The following ITGA9 variants were observed in gnomAD, a reference collection of about 807,000 sequenced individuals.
ITGA9 encodes the protein integrin alpha-9.
ITGA9 carries 56 observed loss-of-function variants against 127.8 expected under a neutral mutation model. That is an observed-to-expected ratio of 0.44 (90% CI 0.35 to 0.55). ITGA9 has a LOEUF of 0.55. Among genes scored for constraint, ITGA9 ranks in the 20% least tolerant of loss-of-function variants. ITGA9 has a pLI of 0.00. For missense variants in ITGA9, 1,196 were observed against 1,347.1 expected, an observed-to-expected ratio of 0.89 and a Z score of 1.76; for synonymous variants, 508 against 514.5, an observed-to-expected ratio of 0.99 and a Z score of 0.17.
intron 2 of ITGA9, among the ~76,000 whole-genome samples, chr3:37,471,825 G>A (rs1698434467): frequency 6.6e-6 from 1 of 152,154 alleles, no homozygotes; most frequent in African/African-American, 2.4e-5. Flanking sequence ...AGGCTGAGGT[G>A]GGCACATTGC....
intron 18 of ITGA9, among the ~76,000 whole-genome samples, chr3:37,697,217 AT>A (rs1486836844): frequency 2.0e-5 from 3 of 152,074 alleles, no homozygotes; most frequent in African/African-American, 7.2e-5. Flanking sequence ...CAGGACAGTC[AT>A]GACCTACACC....
chr3:37,639,638 A>G (rs1462984724), intron 16 of ITGA9, among the ~76,000 whole-genome samples: 1 of 152,042 alleles, frequency 6.6e-6, no homozygotes, highest in East Asian at 1.9e-4. Context: ...ACCATGGCAT[A>G]TTTTGCAGTT....
At chr3:37,704,572 G>T (rs1700983545) in intron 18 of ITGA9, among the ~76,000 whole-genome samples, 1 of 152,168 alleles carries the variant, frequency 6.6e-6, no homozygotes, top group Non-Finnish European at 1.5e-5. Flanking sequence ...GAGTCAGGGG[G>T]CTTGGGCTGT....
At chr3:37,514,489 A>G (rs1698964563) in intron 9 of ITGA9, among the ~76,000 whole-genome samples, 1 of 152,212 alleles carries the variant, frequency 6.6e-6, no homozygotes, top group South Asian at 2.1e-4. Flanking sequence ...AGAGCTGGGC[A>G]AGTGGGTTGG....
At chr3:37,675,292 A>G (rs1247352779) in intron 17 of ITGA9, among the ~76,000 whole-genome samples, 2 of 152,184 alleles carry the variant, frequency 1.3e-5, no homozygotes, top group African/African-American at 4.8e-5. Flanking sequence ...TGTGTTGCAC[A>G]GTTTCCCAGA....
chr3:37,706,410 C>T (rs1342906485), intron 18 of ITGA9, among the ~76,000 whole-genome samples: 2 of 152,094 alleles, frequency 1.3e-5, no homozygotes, highest in Non-Finnish European at 2.9e-5. Flanking sequence ...ACGCCTGAAA[C>T]CATAGATGCA....
chr3:37,541,775 C>G (rs1265627871), intron 14 of ITGA9, among the ~76,000 whole-genome samples: 1 of 152,208 alleles, frequency 6.6e-6, no homozygotes, highest in Non-Finnish European at 1.5e-5. Context: ...ATCTGGGTTC[C>G]TGTGCATGTA....
intron 8 of ITGA9, among the ~76,000 whole-genome samples, chr3:37,512,363 G>C (rs1020174230): frequency 6.6e-6 from 1 of 151,204 alleles, no homozygotes; most frequent in African/African-American, 2.4e-5. Flanking sequence ...GGGATTACAG[G>C]TGCCTGCCAC....
Position 37,452,475 on chromosome 3 carries a change from C to G in ITGA9, c.101C>G (p.Pro34Arg), listed in dbSNP as rs1238331400. ...GIPAGAYNLDPQRPVHFQGPA... is the reference protein window; with the variant it reads ...GIPAGAYNLDRQRPVHFQGPA... The stretch of plus-strand genomic sequence containing the variant: ...CCCGCGGGCGCCTACAACCTCGACC[C>G]GCAGCGCCCCGTGCACTTCCAGGGC... The change falls in exon 1 of 28, where the codon CCG becomes CGG. Residue 34 changes from proline (P) to arginine (R), a missense_variant. Pro to Arg is a moderately radical substitution (Grantham distance 103). Coordinates refer to ENST00000264741, the MANE Select transcript of ITGA9 (RefSeq NM_002207.3). The surrounding 1 kb of genome is among the most constrained non-coding windows in gnomAD (Gnocchi z 7.3). 1 of 1,507,262 alleles carries G rather than the reference C, an allele frequency of 6.6e-7. No homozygotes were observed. Among genetic ancestry groups the G allele is most frequent in the Non-Finnish European group, 8.9e-7 (1 of 1,127,246 alleles). The allele number at this position is 1,507,262 out of a possible 1,614,324, so 93.4% of individuals were successfully genotyped here. A position where few individuals can be genotyped will look rare whatever the true frequency, so the allele number is the denominator to read the frequency against.
At chr3:37,551,940 A>G (rs996015530) in intron 15 of ITGA9, among the ~76,000 whole-genome samples, 1 of 152,246 alleles carries the variant, frequency 6.6e-6, no homozygotes, top group African/African-American at 2.4e-5. Context: ...GTGAAGGCAT[A>G]AGACCATGGG....
At chr3:37,536,655 C>G (rs2125588451) in intron 14 of ITGA9, among the ~76,000 whole-genome samples, 1 of 152,348 alleles carries the variant, frequency 6.6e-6, no homozygotes, top group South Asian at 2.1e-4. Flanking sequence ...ACAGTGCCTA[C>G]TTGGTCATGG....
intron 15 of ITGA9, chr3:37,585,763 G>A: frequency 3.0e-6 from 1 of 338,634 alleles, no homozygotes; most frequent in Admixed American, 3.0e-5. Flanking sequence ...CCATAGAGCA[G>A]TGTATTTGGT....
intron 1 of ITGA9, among the ~76,000 whole-genome samples, chr3:37,457,453 C>T (rs1412259175): frequency 6.6e-6 from 1 of 152,150 alleles, no homozygotes; most frequent in African/African-American, 2.4e-5. Flanking sequence ...TGCCCCTGGC[C>T]CTGCCCGTCT....
chr3:37,654,134 A>G (rs1700454279), intron 17 of ITGA9, among the ~76,000 whole-genome samples: 1 of 151,764 alleles, frequency 6.6e-6, no homozygotes, highest in Non-Finnish European at 1.5e-5. Context: ...ACTTTTGGAC[A>G]ATTTCATATG....
At chr3:37,735,929 G>C (rs1002303960) in intron 19 of ITGA9, among the ~76,000 whole-genome samples, 9 of 152,200 alleles carry the variant, frequency 5.9e-5, no homozygotes, top group African/African-American at 2.2e-4. Flanking sequence ...TTAAACAACA[G>C]ACATGTATTT....
chr3:37,460,693 C>T (rs969882674), intron 1 of ITGA9, among the ~76,000 whole-genome samples: 1 of 151,302 alleles, frequency 6.6e-6, no homozygotes, highest in East Asian at 1.9e-4. Context: ...GGGTTCACGC[C>T]ATTCTCCTGC....
intron 16 of ITGA9, among the ~76,000 whole-genome samples, chr3:37,646,187 A>G (rs927243539): frequency 6.6e-6 from 1 of 152,238 alleles, no homozygotes; most frequent in Non-Finnish European, 1.5e-5. Flanking sequence ...TTGTAAATAA[A>G]GTTTTATTGG....
intron 20 of ITGA9, among the ~76,000 whole-genome samples, chr3:37,738,574 C>CAA (rs1253881578): frequency 6.6e-6 from 1 of 152,196 alleles, no homozygotes; most frequent in Non-Finnish European, 1.5e-5. Flanking sequence ...TGGCACAGTG[C>CAA]AACAGCTTGG....
At chr3:37,584,431 T>C (rs1391341904) in intron 15 of ITGA9, among the ~76,000 whole-genome samples, 1 of 151,662 alleles carries the variant, frequency 6.6e-6, no homozygotes, top group Admixed American at 6.6e-5. Context: ...AACCTTAGAG[T>C]CAATGACAAA....
Sources: allele counts gnomAD v4.1 joint callset (sites outside exome capture counted in the v4.1 genomes callset), GRCh38; gene constraint gnomAD v4.1.1; non-coding constraint Gnocchi (gnomAD v3.1); transcripts MANE v1.5; gene names NCBI Gene and HGNC (gene_info 2026-07-23, HGNC 2026-07-21).